Variants in SIL1 observed in about 807,000 individuals in gnomAD.
SIL1 encodes SIL1 nucleotide exchange factor.
A neutral mutation model predicts 49.1 loss-of-function variants in SIL1; 40 were observed. That is an observed-to-expected ratio of 0.81 (90% CI 0.63 to 1.06). SIL1 has a LOEUF of 1.06. SIL1 is among the 50% of genes least tolerant of loss of function. SIL1 has a pLI of 0.00. For missense variants in SIL1, 500 were observed against 572.6 expected (o/e 0.87, Z 1.29); for synonymous variants, 253 against 250.8 (o/e 1.01, Z -0.08).
At chr5:139,064,444 G>A (rs909924392) in intron 3 of SIL1, among the ~76,000 whole-genome samples, 2 of 152,156 alleles carry the variant, frequency 1.3e-5, no homozygotes, top group African/African-American at 4.8e-5. Flanking sequence ...GTGCAGAGAC[G>A]GCAGTCATAT....
intron 7 of SIL1, chr5:138,953,392 G>C (rs1301763098): frequency 6.6e-6 from 1 of 152,386 alleles, no homozygotes; most frequent in Non-Finnish European, 1.5e-5. Context: ...AATGAAGATA[G>C]CTCCCCACTT....
chr5:139,030,347 A>AT, intron 5 of SIL1, among the ~76,000 whole-genome samples: 1 of 152,042 alleles, frequency 6.6e-6, no homozygotes, highest in South Asian at 2.1e-4. Context: ...ATGACCAGGC[A>AT]TGGTGACACA....
intron 7 of SIL1, among the ~76,000 whole-genome samples, chr5:138,956,643 T>C (rs1462729895): frequency 6.6e-6 from 1 of 151,208 alleles, no homozygotes; most frequent in Non-Finnish European, 1.5e-5. Flanking sequence ...CTCGGGAGGC[T>C]AAGGCAGGAG....
intron 5 of SIL1, chr5:139,035,916 TG>T (rs1312427297): frequency 1.3e-5 from 2 of 153,354 alleles, no homozygotes; most frequent in African/African-American, 4.8e-5. Context: ...CCCAAAGTGC[TG>T]GGATTACAGG....
chr5:139,090,043 T>G (rs2151775682), intron 3 of SIL1, among the ~76,000 whole-genome samples: 1 of 152,264 alleles, frequency 6.6e-6, no homozygotes, highest in East Asian at 1.9e-4. Flanking sequence ...TCTCCTTTCA[T>G]TTTTCTTATA....
intron 4 of SIL1, among the ~76,000 whole-genome samples, chr5:139,045,997 C>T (rs957804827): frequency 2.0e-5 from 3 of 152,202 alleles, no homozygotes; most frequent in South Asian, 2.1e-4. Flanking sequence ...AATCTCATCT[C>T]CAGACACATA....
At chr5:139,123,239 G>A (rs1002388477) in intron 2 of SIL1, among the ~76,000 whole-genome samples, 1 of 152,144 alleles carries the variant, frequency 6.6e-6, no homozygotes, top group Non-Finnish European at 1.5e-5. Flanking sequence ...AGAAAACTAG[G>A]AATAGAAGAA....
chr5:138,956,700 G>A (rs1478057050), intron 7 of SIL1, among the ~76,000 whole-genome samples: 4 of 149,436 alleles, frequency 2.7e-5, no homozygotes, highest in Admixed American at 1.3e-4. Flanking sequence ...CTGAGATCAC[G>A]CCACTGCACT....
At chr5:139,170,024 G>A (rs1229884483) in intron 1 of SIL1, among the ~76,000 whole-genome samples, 13 of 152,180 alleles carry the variant, frequency 8.5e-5, no homozygotes, top group East Asian at 1.9e-4. Context: ...GTGCTGCCAC[G>A]CCTGACTGGT....
At chr5:139,125,054 C>T (rs78664894) in intron 2 of SIL1, among the ~76,000 whole-genome samples, 6,922 of 152,318 alleles carry the variant, frequency 0.045, 216 homozygotes, top group Non-Finnish European at 0.073. Context: ...CAGCACATGC[C>T]CTTCCTCGGC....
chr5:139,121,104 C>T lies in SIL1; in HGVS notation c.175G>A (p.Glu59Lys), dbSNP rs749736520. Residue 59 changes from glutamate (E) to lysine (K), a missense_variant, in exon 3 of 10, where the codon GAG becomes AAG. Glu to Lys is a moderately conservative substitution (Grantham distance 56). Coordinates refer to ENST00000394817, the MANE Select transcript of SIL1 (RefSeq NM_022464.5). ...KETERKETKA[E>K]EELDAEVLEV... ...AGGACTTCGGCATCCAGCTCCTCCT[C>T]GGCTTTGGTTTCTTTTCTCTCTGTT... 7 of 1,614,094 alleles carry T rather than the reference C, an allele frequency of 4.3e-6. No individual in the cohort carries two copies. In the Admixed American group the frequency reaches 5.0e-5, roughly 12 times the overall value.
intron 7 of SIL1, among the ~76,000 whole-genome samples, chr5:139,014,616 T>A (rs141941329): frequency 3.3e-5 from 5 of 152,332 alleles, no homozygotes; most frequent in Middle Eastern, 6.8e-3. Flanking sequence ...CTCCCCAGAA[T>A]GAAGGCTTAG....
At chr5:138,978,602 G>C (rs1767443209) in intron 7 of SIL1, among the ~76,000 whole-genome samples, 1 of 152,154 alleles carries the variant, frequency 6.6e-6, no homozygotes. Context: ...TTAACTATTT[G>C]AAGAACTAGT....
chr5:139,187,600 C>CA (rs1165356820), intron 1 of SIL1, among the ~76,000 whole-genome samples: 19 of 151,876 alleles, frequency 1.3e-4, no homozygotes, highest in African/African-American at 4.6e-4. Flanking sequence ...GAAGCATACT[C>CA]AGAGGACCAC....
intron 7 of SIL1, among the ~76,000 whole-genome samples, chr5:138,978,710 T>C (rs1767445386): frequency 6.6e-6 from 1 of 152,242 alleles, no homozygotes; most frequent in African/African-American, 2.4e-5. Flanking sequence ...TTATTATCTA[T>C]CTTTTTGAGT....
At chr5:138,989,237 C>T (rs1359107189) in intron 7 of SIL1, among the ~76,000 whole-genome samples, 1 of 152,120 alleles carries the variant, frequency 6.6e-6, no homozygotes, top group African/African-American at 2.4e-5. Flanking sequence ...GACCATGTTC[C>T]ACAGGGAAAA....
chr5:139,177,179 G>A (rs1751902346), intron 1 of SIL1, among the ~76,000 whole-genome samples: 1 of 152,002 alleles, frequency 6.6e-6, no homozygotes, highest in Non-Finnish European at 1.5e-5. Flanking sequence ...TGATCCACCT[G>A]CCTTGGCCTC....
At chr5:138,999,516 G>C (rs1316935845) in intron 7 of SIL1, among the ~76,000 whole-genome samples, 1 of 152,114 alleles carries the variant, frequency 6.6e-6, no homozygotes, top group Non-Finnish European at 1.5e-5. Flanking sequence ...GAAAATATTA[G>C]CCAGGCATGG....
rs1176704726 is a variant in SIL1 at position 139,112,408 on chromosome 5, C to T, written c.244+8627G>A. On this transcript the variant is annotated intron_variant, in intron 3 of 9. Coordinates refer to ENST00000394817, the MANE Select transcript of SIL1 (RefSeq NM_022464.5). ...CCCGTCTAGGAAGTGAGGAGCGTCT[C>T]TGCCCGGCTGCCCATCGTCTGAGAT... Among the ~76,000 whole-genome samples, 59 of 152,020 alleles carry T rather than the reference C, an allele frequency of 3.9e-4. 1 individual carries two copies. The highest frequency in any genetic ancestry group is 8.8e-5 in the Non-Finnish European group (6 of 67,962).
Sources: allele counts gnomAD v4.1 joint callset (sites outside exome capture counted in the v4.1 genomes callset), GRCh38; gene constraint gnomAD v4.1.1; transcripts MANE v1.5; gene names NCBI Gene and HGNC (gene_info 2026-07-23, HGNC 2026-07-21).